The following XKR6 variants were observed in gnomAD, a reference collection of about 807,000 sequenced individuals.
XKR6 encodes XK related 6.
Under a neutral mutation model 56.7 loss-of-function variants are expected in XKR6, and 22 were observed. That is an observed-to-expected ratio of 0.39 (90% CI 0.28 to 0.55). The LOEUF (loss-of-function observed/expected upper bound fraction) is 0.55. XKR6 is among the 20% of genes least tolerant of loss of function. The probability of loss-of-function intolerance (pLI) is 0.66; values close to 1 mark genes in which losing one functional copy is unlikely to be tolerated. For missense variants in XKR6, 852 were observed against 889.0 expected (o/e 0.96, Z 0.53); for synonymous variants, 524 against 387.8 (o/e 1.35, Z -4.13).
chr8:11,064,148 T>C (rs568582299), intron 1 of XKR6, among the ~76,000 whole-genome samples: 2 of 152,216 alleles, frequency 1.3e-5, no homozygotes, highest in Non-Finnish European at 2.9e-5. Context: ...CCCCATTTCC[T>C]GTTTCTTTCC....
At chr8:11,087,142 T>A (rs909502786) in intron 1 of XKR6, among the ~76,000 whole-genome samples, 1 of 152,238 alleles carries the variant, frequency 6.6e-6, no homozygotes, top group Non-Finnish European at 1.5e-5. Context: ...TCTTCCTCTA[T>A]AGCTCACCTC....
intron 1 of XKR6, chr8:11,002,478 A>C (rs1369350558): frequency 1.2e-5 from 5 of 400,242 alleles, no homozygotes; most frequent in Non-Finnish European, 1.1e-5. Flanking sequence ...CAGGAGAAAA[A>C]GACTCAAGAA....
chr8:11,156,472 A>G (rs1801524063), intron 1 of XKR6, among the ~76,000 whole-genome samples: 1 of 152,222 alleles, frequency 6.6e-6, no homozygotes, highest in South Asian at 2.1e-4. Context: ...TGAAATCATA[A>G]GAGTTTCAAA....
At chr8:11,135,817 GAATA>G (rs1800359843) in intron 1 of XKR6, among the ~76,000 whole-genome samples, 1 of 151,030 alleles carries the variant, frequency 6.6e-6, no homozygotes, top group African/African-American at 2.4e-5. Flanking sequence ...AATTAAAAAA[GAATA>G]AAAGGAAGGA....
intron 1 of XKR6, among the ~76,000 whole-genome samples, chr8:10,930,493 C>T (rs138483050): frequency 6.6e-6 from 1 of 152,278 alleles, no homozygotes; most frequent in African/African-American, 2.4e-5. Context: ...AAACACAGTA[C>T]AAGCAAATAA....
intron 1 of XKR6, among the ~76,000 whole-genome samples, chr8:11,075,373 G>C (rs1238507502): frequency 6.6e-6 from 1 of 152,152 alleles, no homozygotes; most frequent in Non-Finnish European, 1.5e-5. Context: ...GCTCCTTCCA[G>C]GGTTAGGGGT....
intron 1 of XKR6, among the ~76,000 whole-genome samples, chr8:11,085,454 G>A (rs1239180108): frequency 1.3e-5 from 2 of 152,050 alleles, no homozygotes; most frequent in African/African-American, 2.4e-5. Context: ...GTGTGTGTGT[G>A]TGTATGTATG....
At chr8:11,182,884 C>T (rs895768297) in intron 1 of XKR6, among the ~76,000 whole-genome samples, 1 of 152,160 alleles carries the variant, frequency 6.6e-6, no homozygotes, top group Non-Finnish European at 1.5e-5. Context: ...ATCCCCTCGC[C>T]CCAGCCCCTG....
rs529427654 is a variant in XKR6 at position 10,994,331 on chromosome 8, C to T, written c.765-69501G>A. On this transcript the variant is annotated intron_variant, in intron 1 of 2. Coordinates refer to ENST00000416569, the MANE Select transcript of XKR6 (RefSeq NM_173683.4). The stretch of plus-strand genomic sequence containing the variant: ...CCAGCTCCCCCAGCCTGGCTCTAGG[C>T]CCCTCTCCTGGGGATGGCACTCAGC... Among the ~76,000 whole-genome samples, 6 of 152,354 alleles carry T rather than the reference C, an allele frequency of 3.9e-5. No homozygotes were observed. In the South Asian group the frequency reaches 1.0e-3, roughly 26 times the overall value.
chr8:11,119,295 G>A (rs1255885040), intron 1 of XKR6, among the ~76,000 whole-genome samples: 1 of 152,150 alleles, frequency 6.6e-6, no homozygotes, highest in African/African-American at 2.4e-5. Flanking sequence ...GTTGATTTGG[G>A]GTGGAGAGTT....
Position 11,201,720 on chromosome 8 carries a change from G to A in XKR6, c.-381C>T, listed in dbSNP as rs1436431047. ...CCCTCGGCGTTTCAGAATCCGGCTG[G>A]CCCGAGTGAGGCGGTCCAAAGTGAT... On this transcript the variant is annotated 5_prime_UTR_variant, in exon 1 of 3. Coordinates refer to ENST00000416569, the MANE Select transcript of XKR6 (RefSeq NM_173683.4). Among the ~76,000 whole-genome samples, 2 of 152,202 alleles carry A rather than the reference G, an allele frequency of 1.3e-5. No individual in the cohort carries two copies. The highest frequency in any genetic ancestry group is 4.8e-5 in the African/African-American group (2 of 41,460).
chr8:11,151,669 C>A (rs371986755), intron 1 of XKR6, among the ~76,000 whole-genome samples: 1 of 151,866 alleles, frequency 6.6e-6, no homozygotes. Context: ...TCCAGACCCA[C>A]GATCCATTTG....
chr8:11,002,671 T>C (rs1443740669), intron 1 of XKR6, among the ~76,000 whole-genome samples: 1 of 152,160 alleles, frequency 6.6e-6, no homozygotes, highest in African/African-American at 2.4e-5. Flanking sequence ...ACGCCAACCA[T>C]GGGATGGCCC....
chr8:10,955,790 C>T (rs1259200296), intron 1 of XKR6, among the ~76,000 whole-genome samples: 1 of 152,162 alleles, frequency 6.6e-6, no homozygotes, highest in Non-Finnish European at 1.5e-5. Context: ...TTGTCTGAGG[C>T]TCACTGTAAC....
At chr8:10,955,515 G>A (rs1267106217) in intron 1 of XKR6, among the ~76,000 whole-genome samples, 1 of 152,126 alleles carries the variant, frequency 6.6e-6, no homozygotes, top group Non-Finnish European at 1.5e-5. Flanking sequence ...TCTGCAGTGA[G>A]GACTCTAAGT....
intron 1 of XKR6, among the ~76,000 whole-genome samples, chr8:11,140,893 G>C (rs1350569142): frequency 1.1e-5 from 1 of 93,438 alleles, no homozygotes; most frequent in Non-Finnish European, 1.9e-5. Context: ...GCGAGACTCT[G>C]TCTCAAAAAA....
chr8:11,021,458 G>C (rs1798747566), intron 1 of XKR6, among the ~76,000 whole-genome samples: 1 of 152,170 alleles, frequency 6.6e-6, no homozygotes, highest in Admixed American at 6.5e-5. Flanking sequence ...TTAAGCAATG[G>C]TTTACATTCA....
intron 1 of XKR6, among the ~76,000 whole-genome samples, chr8:11,178,608 T>C (rs1382623250): frequency 1.6e-5 from 2 of 124,916 alleles, no homozygotes; most frequent in African/African-American, 3.8e-5. Flanking sequence ...CACACAAATA[T>C]ATATATATAT....
intron 1 of XKR6, among the ~76,000 whole-genome samples, chr8:11,193,020 T>A (rs1306510320): frequency 1.3e-5 from 2 of 152,184 alleles, no homozygotes; most frequent in Non-Finnish European, 2.9e-5. Flanking sequence ...AAAGGAAGCA[T>A]CATGGTGATA....
Sources: allele counts gnomAD v4.1 joint callset (sites outside exome capture counted in the v4.1 genomes callset), GRCh38; gene constraint gnomAD v4.1.1; transcripts MANE v1.5; gene names NCBI Gene and HGNC (gene_info 2026-07-23, HGNC 2026-07-21).